Variants in CHN1 observed in about 807,000 individuals in gnomAD.
The protein encoded by CHN1 is chimerin 1.
Under a neutral mutation model 59.5 loss-of-function variants are expected in CHN1, and 37 were observed. The ratio of observed to expected loss-of-function variants is 0.62; its 90% confidence interval spans 0.48 to 0.82. The LOEUF (loss-of-function observed/expected upper bound fraction) is 0.82, where lower values mean the gene tolerates loss of function less well. Ranked by LOEUF, CHN1 falls within the 40% of genes least tolerant of loss-of-function variation. The pLI, the probability that CHN1 is intolerant of heterozygous loss-of-function variation, is 0.00. For synonymous variants in CHN1, 206 were observed against 200.4 expected (o/e 1.03, Z -0.24); for missense variants, 469 against 571.0 (o/e 0.82, Z 1.82).
At chr2:174,967,636 T>C (rs1167705142) in intron 1 of CHN1, among the ~76,000 whole-genome samples, 1 of 152,230 alleles carries the variant, frequency 6.6e-6, no homozygotes, top group Non-Finnish European at 1.5e-5. Flanking sequence ...TTTTTATAAG[T>C]ACAAGTTCTG....
intron 3 of CHN1, among the ~76,000 whole-genome samples, chr2:174,941,789 T>C (rs1193628): frequency 0.021 from 3,161 of 152,286 alleles, 104 homozygotes; most frequent in African/African-American, 0.071. Context: ...AGGCAGGTCT[T>C]GAACCTCTGG....
intron 10 of CHN1, among the ~76,000 whole-genome samples, chr2:174,809,909 A>C (rs1317277856): frequency 6.6e-6 from 1 of 152,176 alleles, no homozygotes; most frequent in Non-Finnish European, 1.5e-5. Context: ...CAAAGGACAA[A>C]ATGTAGCAGA....
chr2:174,871,991 C>A (rs1018247572), intron 6 of CHN1, among the ~76,000 whole-genome samples: 1 of 152,024 alleles, frequency 6.6e-6, no homozygotes, highest in Non-Finnish European at 1.5e-5. Flanking sequence ...TGTTTAAATT[C>A]CAACATAAGG....
chr2:174,812,609 G>A, intron 8 of CHN1, 127 bp from the exon 9 acceptor site: 1 of 710,150 alleles, frequency 1.4e-6, no homozygotes, highest in African/African-American at 1.8e-5. Flanking sequence ...GACTCCAGCA[G>A]TTCTTTCTTG....
At chr2:174,999,077 T>A (rs971631192) in intron 1 of CHN1, among the ~76,000 whole-genome samples, 3 of 152,144 alleles carry the variant, frequency 2.0e-5, no homozygotes, top group African/African-American at 7.2e-5. Flanking sequence ...TTCTATTCAA[T>A]ATGACTTTTC....
chr2:174,974,828 G>C (rs1690868926), intron 1 of CHN1, among the ~76,000 whole-genome samples: 1 of 151,504 alleles, frequency 6.6e-6, no homozygotes, highest in African/African-American at 2.4e-5. Context: ...CAGAAAACTT[G>C]AGTTCTCAGT....
At chr2:174,873,691 T>G (rs534872733) in intron 6 of CHN1, among the ~76,000 whole-genome samples, 61 of 152,304 alleles carry the variant, frequency 4.0e-4, no homozygotes, top group African/African-American at 1.3e-3. Context: ...CCAATTACAT[T>G]TCAACTTAAA....
At chr2:174,992,549 A>T (rs1691576144) in intron 1 of CHN1, among the ~76,000 whole-genome samples, 1 of 152,246 alleles carries the variant, frequency 6.6e-6, no homozygotes, top group South Asian at 2.1e-4. Context: ...TGCAGAAAGA[A>T]CAAATATTCA....
At position 174,800,305 on chromosome 2, in the gene CHN1, A is replaced by C; in HGVS notation, c.1209-18T>G. ...GGGTCACTCTGAAAAATGCAAGTAC[A>C]GGAATAAATGACTTTGTGTAAGCCA... On this transcript the variant is annotated intron_variant, in intron 12 of 12. Transcript: ENST00000409900. 1 of 1,425,856 alleles carries C rather than the reference A, an allele frequency of 7.0e-7. No homozygotes were observed. Among genetic ancestry groups the C allele is most frequent in the Admixed American group, 2.6e-5 (1 of 38,382 alleles). 88.3% of individuals were successfully genotyped at this position (1,425,856 alleles called of 1,614,324 possible). A position where few individuals can be genotyped will look rare whatever the true frequency, so the allele number is the denominator to read the frequency against.
chr2:174,964,497 C>T (rs1484559428), intron 1 of CHN1, among the ~76,000 whole-genome samples: 1 of 152,230 alleles, frequency 6.6e-6, no homozygotes, highest in Non-Finnish European at 1.5e-5. Flanking sequence ...CTTTAACAAA[C>T]TCCACAGGAG....
In CHN1 at chr2:174,937,682, G is replaced by A. The variant is rs565604107; in HGVS notation, c.114+7206C>T. On this transcript the variant is annotated intron_variant, in intron 3 of 12. Transcript: ENST00000409900. Reference sequence around the variant, plus strand: ...TGGGAGGTGTTTCAGTCACAGGAGCGGATCCTTCATGAATATCTCGGTGCC... The same window carrying A: ...TGGGAGGTGTTTCAGTCACAGGAGCAGATCCTTCATGAATATCTCGGTGCC... Among the ~76,000 whole-genome samples, 68 of 151,734 alleles carry A rather than the reference G, an allele frequency of 4.5e-4. No individual in the cohort carries two copies. In the South Asian group the frequency reaches 0.011, roughly 25 times the overall value.
chr2:174,969,693 C>G (rs189615829), intron 1 of CHN1, among the ~76,000 whole-genome samples: 4 of 150,060 alleles, frequency 2.7e-5, no homozygotes, highest in African/African-American at 9.8e-5. Context: ...ACTTCATACT[C>G]TTTTTTTTTT....
intron 7 of CHN1, among the ~76,000 whole-genome samples, chr2:174,833,175 A>G (rs1685938807): frequency 6.6e-6 from 1 of 151,898 alleles, no homozygotes; most frequent in Non-Finnish European, 1.5e-5. Flanking sequence ...AGTCTTCTAT[A>G]CTCTTACTAA....
chr2:174,847,773 CAAAAAAAAAAA>C (rs71031072), intron 6 of CHN1: 109 of 238,162 alleles, frequency 4.6e-4, no homozygotes, highest in African/African-American at 1.9e-3. Flanking sequence ...TGGCTCAAGG[CAAAAAAAAAAA>C]AAAAAAAAAA....
chr2:174,858,227 A>G (rs1329992203), intron 6 of CHN1, among the ~76,000 whole-genome samples: 3 of 152,174 alleles, frequency 2.0e-5, no homozygotes, highest in Non-Finnish European at 2.9e-5. Context: ...TCAGTTAGAA[A>G]AGCTAATTTC....
intron 6 of CHN1, among the ~76,000 whole-genome samples, chr2:174,855,688 TGTATGATAAAGTTTAGTTGTCAAACAACC>T (rs1686878910): frequency 1.3e-5 from 2 of 152,128 alleles, no homozygotes; most frequent in Non-Finnish European, 2.9e-5. Context: ...ATGCTTTACA[TGTATGATAAAGTTTAGTTGTCAAACAACC>T]AGTAAGGTAG....
chr2:174,899,517 A>G (rs1403458499), intron 5 of CHN1, among the ~76,000 whole-genome samples: 1 of 152,188 alleles, frequency 6.6e-6, no homozygotes, highest in Non-Finnish European at 1.5e-5. Flanking sequence ...CCAACAAGCT[A>G]AACATTGGTT....
At chr2:174,912,381 A>C (rs1440993042) in intron 5 of CHN1, among the ~76,000 whole-genome samples, 1 of 152,226 alleles carries the variant, frequency 6.6e-6, no homozygotes, top group Non-Finnish European at 1.5e-5. Flanking sequence ...TTTCTGTCTT[A>C]TGGAATTGAC....
At chr2:174,876,440 T>C (rs886959939) in intron 6 of CHN1, among the ~76,000 whole-genome samples, 1 of 152,024 alleles carries the variant, frequency 6.6e-6, no homozygotes, top group Non-Finnish European at 1.5e-5. Context: ...ATGCCATAAA[T>C]GGAAAATCAA....
Sources: gnomAD v4.1 joint callset for allele counts (sites outside exome capture counted in the v4.1 genomes callset) on GRCh38, gnomAD v4.1.1 for gene constraint, MANE v1.5 for transcripts, NCBI Gene and HGNC (gene_info 2026-07-23, HGNC 2026-07-21) for gene names.